Variants in MYRIP observed in about 807,000 individuals in gnomAD.
MYRIP encodes myosin VIIA and Rab interacting protein, also known as rab effector MyRIP.
Under a neutral mutation model 98.0 loss-of-function variants are expected in MYRIP, and 49 were observed. That is an observed-to-expected ratio of 0.50 (90% CI 0.40 to 0.63). The LOEUF (loss-of-function observed/expected upper bound fraction) is 0.63. MYRIP is among the 30% of genes least tolerant of loss of function. The probability of loss-of-function intolerance (pLI) is 0.00; values close to 1 mark genes in which losing one functional copy is unlikely to be tolerated. For synonymous variants in MYRIP, 404 were observed against 409.5 expected (o/e 0.99, Z 0.16); for missense variants, 1,004 against 1,058.2 (o/e 0.95, Z 0.71).
At chr3:39,986,199 C>T (rs1273418634) in intron 2 of MYRIP, among the ~76,000 whole-genome samples, 1 of 152,106 alleles carries the variant, frequency 6.6e-6, no homozygotes, top group Non-Finnish European at 1.5e-5. Context: ...TGGTGGATAT[C>T]CAAGCATTAA....
intron 11 of MYRIP, among the ~76,000 whole-genome samples, chr3:40,219,857 G>A (rs1442615136): frequency 2.0e-5 from 3 of 150,414 alleles, no homozygotes; most frequent in Non-Finnish European, 1.5e-5. Context: ...CCCAGTAATG[G>A]GATGGCTGGG....
At position 40,190,326 on chromosome 3, in the gene MYRIP, A is replaced by C. The variant is rs1951167438; in HGVS notation, c.1528A>C (p.Ser510Arg). 3 of 1,613,896 alleles carry C rather than the reference A, an allele frequency of 1.9e-6. No individual in the cohort carries two copies. Among genetic ancestry groups the C allele is most frequent in the African/African-American group, 2.7e-5 (2 of 74,896 alleles). ...PQLASRETSD[S>R]SEPEEAPHTT... ...GTTGGCCAGCAGGGAGACCTCGGAC[A>C]GCAGCGAGCCGGAGGAGGCCCCCCA... Residue 510 changes from serine to arginine, a missense_variant, in exon 10 of 17, where the codon AGC becomes CGC. By Grantham distance (110) the Ser-to-Arg change is moderately radical. Transcript: ENST00000302541.
At chr3:40,078,384 G>A in intron 3 of MYRIP, among the ~76,000 whole-genome samples, 1 of 152,340 alleles carries the variant, frequency 6.6e-6, no homozygotes. Flanking sequence ...GCGGTGGGCT[G>A]AAGGGCTCCT....
chr3:40,010,171 G>A (rs1236409506), intron 2 of MYRIP, among the ~76,000 whole-genome samples: 1 of 152,222 alleles, frequency 6.6e-6, no homozygotes. Flanking sequence ...CAGCGAGAGG[G>A]AATGCAACAG....
chr3:40,231,334 C>T (rs920085348), intron 11 of MYRIP, among the ~76,000 whole-genome samples: 14 of 152,324 alleles, frequency 9.2e-5, no homozygotes, highest in Non-Finnish European at 1.8e-4. Context: ...GGGCCAAAGG[C>T]ATGCGTGAGG....
intron 2 of MYRIP, among the ~76,000 whole-genome samples, chr3:40,032,321 T>G (rs1055560617): frequency 3.9e-5 from 6 of 152,186 alleles, no homozygotes; most frequent in African/African-American, 1.4e-4. Context: ...TCAGTTTCCA[T>G]GTAGTTGAGC....
At chr3:40,252,927 AAAGCGTTT>A (rs979026339) in intron 16 of MYRIP, among the ~76,000 whole-genome samples, 3 of 152,216 alleles carry the variant, frequency 2.0e-5, no homozygotes, top group African/African-American at 7.2e-5. Context: ...ACCGATTAAG[AAAGCGTTT>A]AAGCTCAACA....
chr3:40,127,301 C>T (rs567142445), intron 3 of MYRIP, among the ~76,000 whole-genome samples: 1 of 152,270 alleles, frequency 6.6e-6, no homozygotes, highest in East Asian at 1.9e-4. Flanking sequence ...TTACCATCTC[C>T]ATTTTTGCAG....
intron 10 of MYRIP, among the ~76,000 whole-genome samples, chr3:40,203,254 T>A (rs1575625732): frequency 6.6e-6 from 1 of 152,248 alleles, no homozygotes; most frequent in African/African-American, 2.4e-5. Context: ...TCTATCCTTG[T>A]GTTTCTTAAG....
intron 3 of MYRIP, among the ~76,000 whole-genome samples, chr3:40,047,480 T>A (rs943626582): frequency 6.6e-6 from 1 of 152,192 alleles, no homozygotes; most frequent in African/African-American, 2.4e-5. Context: ...CCACATTCAA[T>A]GTGTCTAGCT....
chr3:39,880,812 A>G (rs142979449), intron 1 of MYRIP, among the ~76,000 whole-genome samples: 1 of 152,230 alleles, frequency 6.6e-6, no homozygotes, highest in Non-Finnish European at 1.5e-5. Context: ...TTTGATTGAT[A>G]TATTTTGATG....
intron 3 of MYRIP, among the ~76,000 whole-genome samples, chr3:40,063,688 G>A (rs1186899047): frequency 6.6e-6 from 1 of 152,200 alleles, no homozygotes; most frequent in African/African-American, 2.4e-5. Flanking sequence ...AACAAACCAG[G>A]TGGGAATTTT....
chr3:39,820,226 A>G (rs560563562), intron 1 of MYRIP, among the ~76,000 whole-genome samples: 4 of 152,216 alleles, frequency 2.6e-5, no homozygotes, highest in East Asian at 3.8e-4. Flanking sequence ...GGTGGCTCAG[A>G]TAACAGTGTC....
At chr3:40,056,630 A>G in intron 3 of MYRIP, among the ~76,000 whole-genome samples, 1 of 152,228 alleles carries the variant, frequency 6.6e-6, no homozygotes, top group East Asian at 1.9e-4. Flanking sequence ...AATATGCATA[A>G]TTATACCACG....
chr3:39,925,103 A>T (rs903354541), intron 2 of MYRIP, among the ~76,000 whole-genome samples: 1 of 151,508 alleles, frequency 6.6e-6, no homozygotes, highest in Non-Finnish European at 1.5e-5. Flanking sequence ...AATAATAAGG[A>T]TCAGAACTGA....
rs1487611753 is a variant in MYRIP at position 40,255,399 on chromosome 3, G to A, written c.2548-2735G>A. Reference sequence around the variant, plus strand: ...GTACAACCTCGTGAACATACTAAGTGCCACCAAATTGTTCACTTTAGAATG... The same window carrying A: ...GTACAACCTCGTGAACATACTAAGTACCACCAAATTGTTCACTTTAGAATG... On this transcript the variant is annotated intron_variant, in intron 16 of 16. Transcript: ENST00000302541. Among the ~76,000 whole-genome samples the A allele has an allele frequency of 3.3e-5, 5 of 152,036 alleles. 1 individual carries two copies. The highest frequency in any genetic ancestry group is 1.2e-4 in the African/African-American group (5 of 41,376).
At chr3:39,813,483 C>T (rs2125562992) in intron 1 of MYRIP, among the ~76,000 whole-genome samples, 1 of 152,272 alleles carries the variant, frequency 6.6e-6, no homozygotes, top group Non-Finnish European at 1.5e-5. Flanking sequence ...ATTTATTCTT[C>T]ACAATAGGAG....
chr3:40,129,612 T>C (rs1326566146), intron 3 of MYRIP, among the ~76,000 whole-genome samples: 1 of 152,138 alleles, frequency 6.6e-6, no homozygotes, highest in East Asian at 1.9e-4. Flanking sequence ...TTCTAGGCCA[T>C]GCCCACGCTG....
intron 11 of MYRIP, among the ~76,000 whole-genome samples, chr3:40,220,702 A>G (rs1390171650): frequency 6.6e-6 from 1 of 152,178 alleles, no homozygotes; most frequent in Non-Finnish European, 1.5e-5. Flanking sequence ...ACAGTTCTGC[A>G]GGCTCTACAG....
Sources: allele counts gnomAD v4.1 joint callset (sites outside exome capture counted in the v4.1 genomes callset), GRCh38; gene constraint gnomAD v4.1.1; transcripts MANE v1.5; gene names NCBI Gene and HGNC (gene_info 2026-07-23, HGNC 2026-07-21).